DLG2: variants seen among roughly 807,000 people sequenced by gnomAD.
The protein encoded by DLG2 is disks large homolog 2.
A neutral mutation model predicts 132.5 loss-of-function variants in DLG2; 45 were observed. The observed-to-expected ratio is 0.34, with a 90% CI of 0.27 to 0.44. The LOEUF (loss-of-function observed/expected upper bound fraction) is 0.44. Among genes scored for constraint, DLG2 ranks in the 20% least tolerant of loss-of-function variants. DLG2 has a pLI of 1.00. For missense variants in DLG2, 1,045 were observed against 1,196.9 expected, an observed-to-expected ratio of 0.87 and a Z score of 1.87; for synonymous variants, 424 against 419.6, an observed-to-expected ratio of 1.01 and a Z score of -0.13.
intron 4 of DLG2, among the ~76,000 whole-genome samples, chr11:85,279,711 CA>C (rs1252431187): frequency 6.6e-6 from 1 of 151,802 alleles, no homozygotes. Flanking sequence ...AAAAAATAAA[CA>C]AGCAAACAGC....
At chr11:83,882,814 A>C (rs2066652027) in intron 15 of DLG2, among the ~76,000 whole-genome samples, 1 of 152,222 alleles carries the variant, frequency 6.6e-6, no homozygotes, top group African/African-American at 2.4e-5. Context: ...AGGATTATCA[A>C]CCAGGTATTA....
At chr11:83,503,371 A>T (rs1425052978) in intron 21 of DLG2, among the ~76,000 whole-genome samples, 39 of 1,960 alleles carry the variant, frequency 0.02, no homozygotes, top group Admixed American at 0.036. Flanking sequence ...ACACCCATTT[A>T]TATATATATA....
intron 6 of DLG2, among the ~76,000 whole-genome samples, chr11:84,844,135 GTATATATATATA>G (rs74200849): frequency 6.9e-5 from 3 of 43,704 alleles, no homozygotes; most frequent in East Asian, 6.2e-4. Flanking sequence ...GTGTGTGTGT[GTATATATATATA>G]TATATATATA....
At chr11:84,605,710 G>A (rs559084254) in intron 6 of DLG2, among the ~76,000 whole-genome samples, 6 of 152,010 alleles carry the variant, frequency 3.9e-5, no homozygotes, top group African/African-American at 1.4e-4. Context: ...TATTAGAAAG[G>A]TGTTTGGACT....
At chr11:83,996,963 A>T (rs546111184) in intron 11 of DLG2, among the ~76,000 whole-genome samples, 54 of 152,254 alleles carry the variant, frequency 3.5e-4, no homozygotes, top group Non-Finnish European at 6.9e-4. Context: ...TAACAAAAAG[A>T]GTATAATTGG....
At chr11:84,720,527 G>A (rs2061691246) in intron 6 of DLG2, 4 of 980,126 alleles carry the variant, frequency 4.1e-6, no homozygotes, top group Admixed American at 1.2e-4. Flanking sequence ...TGGCCATCCC[G>A]GAGCCCCGGT....
intron 7 of DLG2, among the ~76,000 whole-genome samples, chr11:84,346,227 C>T (rs1341363407): frequency 6.6e-6 from 1 of 152,152 alleles, no homozygotes; most frequent in Non-Finnish European, 1.5e-5. Context: ...TCTGACCATT[C>T]CTTTCTATGG....
chr11:83,626,802 T>C (rs1253987509), intron 19 of DLG2, among the ~76,000 whole-genome samples: 3 of 152,154 alleles, frequency 2.0e-5, no homozygotes, highest in Non-Finnish European at 4.4e-5. Context: ...TCTACTGAAT[T>C]CCTTTCAGGT....
At chr11:85,282,549 T>C (rs2078297303) in intron 4 of DLG2, among the ~76,000 whole-genome samples, 1 of 151,836 alleles carries the variant, frequency 6.6e-6, no homozygotes, top group Non-Finnish European at 1.5e-5. Flanking sequence ...CACAAATTGC[T>C]AACATCAGTT....
At chr11:83,485,086 GA>G (rs2093418328) in intron 21 of DLG2, among the ~76,000 whole-genome samples, 1 of 151,752 alleles carries the variant, frequency 6.6e-6, no homozygotes, top group Non-Finnish European at 1.5e-5. Flanking sequence ...CTTATCAAAG[GA>G]AAAATGGCAG....
intron 25 of DLG2, among the ~76,000 whole-genome samples, chr11:83,468,797 C>G (rs1267132217): frequency 1.3e-5 from 2 of 152,132 alleles, no homozygotes; most frequent in African/African-American, 2.4e-5. Context: ...GGCAGCCCTT[C>G]TCATCTATCT....
intron 3 of DLG2, among the ~76,000 whole-genome samples, chr11:85,564,253 T>C (rs1372067565): frequency 6.6e-6 from 1 of 152,026 alleles, no homozygotes; most frequent in Non-Finnish European, 1.5e-5. Flanking sequence ...GGCAGAAGTT[T>C]TTAACTTTGA....
chr11:83,952,605 G>A (rs1274411127), intron 14 of DLG2, among the ~76,000 whole-genome samples: 1 of 152,132 alleles, frequency 6.6e-6, no homozygotes, highest in Non-Finnish European at 1.5e-5. Context: ...TCAGTTATAC[G>A]ATAGGCTATT....
intron 6 of DLG2, among the ~76,000 whole-genome samples, chr11:85,042,253 C>T (rs1388383964): frequency 6.6e-6 from 1 of 151,894 alleles, no homozygotes; most frequent in Admixed American, 6.6e-5. Context: ...ATATTCATAG[C>T]ACTGAAAACT....
chr11:84,689,384 C>CAA (rs551901846), intron 6 of DLG2, among the ~76,000 whole-genome samples: 5 of 146,812 alleles, frequency 3.4e-5, no homozygotes, highest in Non-Finnish European at 6.0e-5. Context: ...AATTAAGTTT[C>CAA]AAAAAAAAAA....
At chr11:85,563,828 A>AAT (rs1188103350) in intron 3 of DLG2, among the ~76,000 whole-genome samples, 1 of 152,120 alleles carries the variant, frequency 6.6e-6, no homozygotes, top group Non-Finnish European at 1.5e-5. Context: ...CCCTTAGGTA[A>AAT]ATATATACAA....
intron 14 of DLG2, among the ~76,000 whole-genome samples, chr11:83,939,056 C>G (rs2082097391): frequency 6.6e-6 from 1 of 152,216 alleles, no homozygotes; most frequent in Non-Finnish European, 1.5e-5. Flanking sequence ...ATCGGGCCTC[C>G]TTTACATCAT....
At chr11:84,572,606 G>A (rs1005579011) in intron 6 of DLG2, among the ~76,000 whole-genome samples, 2 of 152,122 alleles carry the variant, frequency 1.3e-5, no homozygotes, top group African/African-American at 4.8e-5. Context: ...CACAGGGAGA[G>A]GCAAATTCAC....
chr11:85,061,094 G>A (rs545545008), intron 6 of DLG2, among the ~76,000 whole-genome samples: 2 of 151,376 alleles, frequency 1.3e-5, no homozygotes, highest in East Asian at 3.9e-4. Flanking sequence ...TTGCTTTTGA[G>A]TTATAGAAGT....
Sources: allele counts gnomAD v4.1 joint callset (sites outside exome capture counted in the v4.1 genomes callset), GRCh38; gene constraint gnomAD v4.1.1; transcripts MANE v1.5; gene names NCBI Gene and HGNC (gene_info 2026-07-23, HGNC 2026-07-21).